MBTPS2: variants seen among roughly 807,000 people sequenced by gnomAD.
The protein encoded by MBTPS2 is membrane-bound transcription factor site-2 protease.
A neutral mutation model predicts 35.4 loss-of-function variants in MBTPS2; 2 were observed. That is an observed-to-expected ratio of 0.06 (90% confidence interval 0.02 to 0.18). The LOEUF (loss-of-function observed/expected upper bound fraction) is 0.18. Ranked by LOEUF, MBTPS2 falls within the 10% of genes least tolerant of loss-of-function variation. MBTPS2 has a pLI of 1.00. For synonymous variants in MBTPS2, 125 were observed against 140.4 expected (o/e 0.89, Z 0.77); for missense variants, 244 against 386.5 (o/e 0.63, Z 3.09).
At chrX:21,849,414 T>C (rs999193605) in intron 3 of MBTPS2, among the ~76,000 whole-genome samples, 1 of 111,815 alleles carries the variant, frequency 8.9e-6, no homozygotes, top group Non-Finnish European at 1.9e-5. Flanking sequence ...CGGGGAAAGT[T>C]CAGCTTTACA....
In MBTPS2 at chrX:21,859,200, A is replaced by G. The variant is rs1298004617; in HGVS notation, c.670+5697A>G. Among the ~76,000 whole-genome samples the G allele has an allele frequency of 3.6e-5, 4 of 111,747 alleles. No individual in the cohort carries two copies. The East Asian group carries it at 1.1e-3, about 31-fold the overall frequency. ...TTTTTAAATTGTAAAAAAATTCAAA[A>G]TGTTCATGTTTATACTTTTAGGAAT... On this transcript the variant is annotated intron_variant, in intron 5 of 10. Coordinates refer to ENST00000379484, the MANE Select transcript of MBTPS2 (RefSeq NM_015884.4).
chrX:21,882,389 A>G (rs1476041265), intron 10 of MBTPS2, 44 bp from the exon 11 acceptor site: 4 of 981,801 alleles, frequency 4.1e-6, no homozygotes, highest in Non-Finnish European at 4.4e-6. Context: ...TATGGTTTCT[A>G]CTCAGACCTC....
intron 5 of MBTPS2, chrX:21,858,613 G>A (rs1327310709): frequency 1.6e-5 from 2 of 122,860 alleles, no homozygotes; most frequent in East Asian, 5.6e-4. Context: ...AATAGTGTCA[G>A]GTGCAGGGGC....
chrX:21,870,751 A>C (rs1377213586), intron 7 of MBTPS2: 1 of 112,293 alleles, frequency 8.9e-6, no homozygotes, highest in African/African-American at 3.2e-5. Context: ...TGCTCTGTGC[A>C]GCAGATGACA....
At chrX:21,848,276 G>A (rs568731340) in intron 3 of MBTPS2, among the ~76,000 whole-genome samples, 4 of 109,546 alleles carry the variant, frequency 3.7e-5, no homozygotes, top group Admixed American at 9.7e-5. Flanking sequence ...AAAATTAGCC[G>A]GGTGTAGTGG....
At chrX:21,876,192 CATT>C (rs2092952854) in intron 7 of MBTPS2, among the ~76,000 whole-genome samples, 1 of 111,959 alleles carries the variant, frequency 8.9e-6, no homozygotes, top group Admixed American at 9.5e-5. Context: ...TTGTCTGTGT[CATT>C]AGATGCTCAC....
intron 7 of MBTPS2, among the ~76,000 whole-genome samples, chrX:21,873,999 GTGTATA>G (rs1478945361): frequency 4.8e-5 from 3 of 62,880 alleles, no homozygotes; most frequent in African/African-American, 6.1e-5. Context: ...GTGTGTGTGT[GTGTATA>G]TATATATATA....
In MBTPS2 at chrX:21,846,644, A is replaced by G. The variant is rs998914174; in HGVS notation, c.438+1260A>G. The stretch of plus-strand genomic sequence containing the variant: ...CTTGGCCTCCCAAAGGGCTGGGATT[A>G]TAGGCATGAGCCACTGCGCTCGGCC... On this transcript the variant is annotated intron_variant, in intron 3 of 10. Coordinates refer to ENST00000379484, the MANE Select transcript of MBTPS2 (RefSeq NM_015884.4). Among the ~76,000 whole-genome samples the G allele has an allele frequency of 8.0e-5, 9 of 112,629 alleles. No homozygotes were observed. In the South Asian group the frequency reaches 3.3e-3, roughly 41 times the overall value.
intron 5 of MBTPS2, among the ~76,000 whole-genome samples, chrX:21,855,804 G>A (rs764394426): frequency 9.5e-6 from 1 of 105,188 alleles, no homozygotes; most frequent in East Asian, 3.1e-4. Context: ...AGCCGAGATC[G>A]CGCGCCACTG....
chrX:21,882,120 T>G (rs1015902218), intron 10 of MBTPS2, among the ~76,000 whole-genome samples: 2 of 112,162 alleles, frequency 1.8e-5, no homozygotes, highest in African/African-American at 6.5e-5. Flanking sequence ...TTCTTATTCC[T>G]TCCACATTCC....
intron 2 of MBTPS2, 132 bp downstream of exon 2, chrX:21,843,450 T>C (rs2092905012): frequency 1.5e-6 from 1 of 658,273 alleles, no homozygotes; most frequent in South Asian, 2.7e-5. Flanking sequence ...TAAAACTTTC[T>C]GGTTTTATAT....
intron 10 of MBTPS2, among the ~76,000 whole-genome samples, chrX:21,881,399 G>T (rs758996835): frequency 9.0e-6 from 1 of 111,361 alleles, no homozygotes; most frequent in African/African-American, 3.3e-5. Flanking sequence ...AGATCGAGCT[G>T]GTTTCAACTA....
rs3834687 is a variant in MBTPS2, at chrX:21,845,327, CTCT to C, written c.387_389del (p.Ser136del). 203 of 1,195,728 alleles carry C rather than the reference CTCT, an allele frequency of 1.7e-4. 1 individual carries two copies. The East Asian group carries it at 5.5e-3, about 33-fold the overall frequency. ...CCTCTTCCTCCTCTTCTTCCTCTTC[CTCT>C]TCTTCATCTTCTTCCTCTTCCTCGC... On this transcript the variant is annotated inframe_deletion, in exon 3 of 11. Transcript: ENST00000379484.
chrX:21,883,166 A>G lies in MBTPS2; in HGVS notation c.*511A>G, dbSNP rs2147456285. On this transcript the variant is annotated 3_prime_UTR_variant, in exon 11 of 11. Transcript: ENST00000379484. The stretch of plus-strand genomic sequence containing the variant: ...ATGGTGTATTATTTTGTGCTCTGAA[A>G]GCTGAGGTCTGATTACAATTAGTAA... The G allele has an allele frequency of 2.6e-6, 2 of 758,635 alleles. No individual in the cohort carries two copies. The highest frequency in any genetic ancestry group is 1.6e-6 in the Non-Finnish European group (1 of 641,643). The allele number at this position is 758,635 out of a possible 1,213,427, so 62.5% of individuals were successfully genotyped here. A position where few individuals can be genotyped will look rare whatever the true frequency, so the allele number is the denominator to read the frequency against.
At chrX:21,876,564 C>CA (rs781386053) in intron 7 of MBTPS2, among the ~76,000 whole-genome samples, 859 of 79,038 alleles carry the variant, frequency 0.011, 6 homozygotes, top group African/African-American at 0.025. Context: ...GACTCTGTCT[C>CA]AAAAAAAAAA....
chrX:21,867,064 T>G (rs928375918), intron 5 of MBTPS2, among the ~76,000 whole-genome samples: 1 of 109,647 alleles, frequency 9.1e-6, no homozygotes, highest in Non-Finnish European at 1.9e-5. Flanking sequence ...ATTTGAATAA[T>G]ATTTGGTGGT....
chrX:21,872,501 T>C (rs1382959282), intron 7 of MBTPS2: 2 of 77,364 alleles, frequency 2.6e-5, no homozygotes, highest in Non-Finnish European at 5.1e-5. Flanking sequence ...AAGTAATTCT[T>C]TTTTTTTTTT....
intron 9 of MBTPS2, among the ~76,000 whole-genome samples, chrX:21,880,629 G>A (rs1181786553): frequency 9.0e-6 from 1 of 111,271 alleles, no homozygotes; most frequent in Non-Finnish European, 1.9e-5. Flanking sequence ...TCTTTGAAAG[G>A]GTAAGGACTC....
chrX:21,843,145 T>C (rs1452870488), intron 1 of MBTPS2, 25 bp from the exon 2 acceptor site: 1 of 1,167,619 alleles, frequency 8.6e-7, no homozygotes, highest in Admixed American at 2.2e-5. Context: ...AATTGAGTGA[T>C]GTAGAACTTT....
Sources: allele counts gnomAD v4.1 joint callset (sites outside exome capture counted in the v4.1 genomes callset), GRCh38; gene constraint gnomAD v4.1.1; transcripts MANE v1.5; gene names NCBI Gene and HGNC (gene_info 2026-07-23, HGNC 2026-07-21).